Variants in TIAM1 observed in about 807,000 individuals in gnomAD.
TIAM1 encodes the protein TIAM Rac1 associated GEF 1.
Under a neutral mutation model 163.5 loss-of-function variants are expected in TIAM1, and 65 were observed. The observed-to-expected ratio is 0.40, with a 90% CI of 0.33 to 0.49. The LOEUF is 0.49. Ranked by LOEUF, TIAM1 falls within the 20% of genes least tolerant of loss-of-function variation. TIAM1 has a pLI of 0.77. For missense variants in TIAM1, 1,789 were observed against 2,044.7 expected (o/e 0.87, Z 2.41); for synonymous variants, 833 against 810.1 (o/e 1.03, Z -0.48).
chr21:31,154,186 C>A, intron 17 of TIAM1, 61 bp downstream of exon 17: 1 of 1,551,240 alleles, frequency 6.4e-7, no homozygotes, highest in South Asian at 1.2e-5. Flanking sequence ...AACCAGCAGA[C>A]ACACCAACTT....
chr21:31,234,673 C>T (rs571510643), intron 6 of TIAM1, among the ~76,000 whole-genome samples: 11 of 151,862 alleles, frequency 7.2e-5, no homozygotes, highest in African/African-American at 2.2e-4. Context: ...CCCAGATATT[C>T]GAGAGGCTGA....
At chr21:31,380,575 G>A (rs191626547) in intron 2 of TIAM1, among the ~76,000 whole-genome samples, 140 of 151,888 alleles carry the variant, frequency 9.2e-4, no homozygotes, top group Middle Eastern at 6.8e-3. Flanking sequence ...ATAAAGTAAA[G>A]TAAATATAAA....
intron 4 of TIAM1, among the ~76,000 whole-genome samples, chr21:31,254,162 G>C (rs1302201163): frequency 1.3e-5 from 2 of 152,226 alleles, no homozygotes; most frequent in Non-Finnish European, 2.9e-5. Flanking sequence ...TTCCATAAGA[G>C]AGACTTTGGT....
chr21:31,436,266 C>T (rs954219014), intron 2 of TIAM1, among the ~76,000 whole-genome samples: 4 of 152,164 alleles, frequency 2.6e-5, no homozygotes, highest in African/African-American at 9.7e-5. Flanking sequence ...CACCAGTGTC[C>T]ACCACTGCCT....
chr21:31,510,374 C>T (rs974513582), intron 1 of TIAM1, among the ~76,000 whole-genome samples: 1 of 152,142 alleles, frequency 6.6e-6, no homozygotes, highest in African/African-American at 2.4e-5. Flanking sequence ...GGATTAGAGC[C>T]CACCCTAAGG....
chr21:31,171,035 C>CAAAAAAAAAAA lies in TIAM1; in HGVS notation c.2888-5981_2888-5971dup, dbSNP rs34291568. Among the ~76,000 whole-genome samples the CAAAAAAAAAAA allele has an allele frequency of 7.4e-3, 145 of 19,564 alleles. 10 individuals carry two copies. Among genetic ancestry groups the CAAAAAAAAAAA allele is most frequent in the African/African-American group, 0.014 (142 of 10,036 alleles). 12.8% of individuals were successfully genotyped at this position (19,564 alleles called of 152,430 possible). A position where few individuals can be genotyped will look rare whatever the true frequency, so the allele number is the denominator to read the frequency against. ...TGGGTGACAGAGTGAGACTCCATCT[C>CAAAAAAAAAAA]AAAAAAAAAAAAAAAAAAAAAAAAA... On this transcript the variant is annotated intron_variant, in intron 15 of 27. Transcript: ENST00000541036.
chr21:31,479,369 TTGGA>T (rs58755974), intron 1 of TIAM1, among the ~76,000 whole-genome samples: 86,824 of 149,548 alleles, frequency 0.58, 25,915 homozygotes, highest in African/African-American at 0.68. Flanking sequence ...GGATGGATGA[TTGGA>T]TGGATGGATG....
intron 25 of TIAM1, among the ~76,000 whole-genome samples, chr21:31,129,773 C>G (rs544760261): frequency 9.9e-5 from 15 of 152,236 alleles, no homozygotes; most frequent in African/African-American, 3.4e-4. Flanking sequence ...CATGTGTAGT[C>G]AATGCTTTTT....
intron 1 of TIAM1, among the ~76,000 whole-genome samples, chr21:31,524,280 G>A (rs1158593300): frequency 6.6e-6 from 1 of 152,148 alleles, no homozygotes; most frequent in Non-Finnish European, 1.5e-5. Flanking sequence ...TGAAGTGGGG[G>A]TAGGAGTCTC....
chr21:31,145,659 T>C (rs1228426476), intron 20 of TIAM1, among the ~76,000 whole-genome samples: 1 of 152,184 alleles, frequency 6.6e-6, no homozygotes. Context: ...TGCACAAAAA[T>C]AACTACAAAT....
chr21:31,356,967 T>G (rs939912574), intron 2 of TIAM1, among the ~76,000 whole-genome samples: 2 of 152,162 alleles, frequency 1.3e-5, no homozygotes, highest in African/African-American at 4.8e-5. Flanking sequence ...AATAAATGAA[T>G]GAATAAACAT....
At chr21:31,486,318 A>G (rs745877081) in intron 1 of TIAM1, among the ~76,000 whole-genome samples, 1 of 152,130 alleles carries the variant, frequency 6.6e-6, no homozygotes, top group Non-Finnish European at 1.5e-5. Flanking sequence ...GGAACTCCCC[A>G]CCATCCCTCT....
At chr21:31,539,414 C>T (rs2048248674) in intron 1 of TIAM1, among the ~76,000 whole-genome samples, 1 of 151,132 alleles carries the variant, frequency 6.6e-6, no homozygotes, top group African/African-American at 2.5e-5. Flanking sequence ...TACAGGCGCC[C>T]ACCACCACAC....
intron 4 of TIAM1, among the ~76,000 whole-genome samples, chr21:31,265,200 T>G: frequency 7.2e-6 from 1 of 139,628 alleles, no homozygotes; most frequent in Non-Finnish European, 1.5e-5. Context: ...ACTTTCAAAA[T>G]CTTTTTTTTT....
At chr21:31,385,876 T>TATTATTTAATATA (rs2076860564) in intron 2 of TIAM1, among the ~76,000 whole-genome samples, 1 of 92,384 alleles carries the variant, frequency 1.1e-5, no homozygotes. Context: ...ATATTAATTA[T>TATTATTTAATATA]ATTAGTTAAT....
At chr21:31,182,672 A>T (rs776035785) in intron 14 of TIAM1, 27 bp from the exon 15 acceptor site, 1 of 1,596,636 alleles carries the variant, frequency 6.3e-7, no homozygotes. Flanking sequence ...GAAAATTTTT[A>T]ATTTCACACA....
chr21:31,351,509 G>C (rs2076233779), intron 2 of TIAM1, among the ~76,000 whole-genome samples: 1 of 152,048 alleles, frequency 6.6e-6, no homozygotes, highest in African/African-American at 2.4e-5. Flanking sequence ...ATAAAAAGTG[G>C]GTACATGAGA....
chr21:31,210,534 AAAAGAAAGAAAGAAAGAAAGAAAGAAAG>A (rs1214068044), intron 10 of TIAM1, among the ~76,000 whole-genome samples: 25 of 55,606 alleles, frequency 4.5e-4, no homozygotes, highest in Non-Finnish European at 6.8e-4. Flanking sequence ...GGAAGGAAGG[AAAAGAAAGAAAGAAAGAAAGAAAGAAAG>A]AAAGAAAGAA....
rs545170341 is a variant in TIAM1, at chr21:31,204,942, A to C, written c.2389-1930T>G. Reference sequence around the variant, plus strand: ...GCCAGACACAGATGCCATTCACCGAACATGTCCCAGTGCACCTGGCTTTTG... The same window carrying C: ...GCCAGACACAGATGCCATTCACCGACCATGTCCCAGTGCACCTGGCTTTTG... On this transcript the variant is annotated intron_variant, in intron 11 of 27. Coordinates refer to ENST00000541036, the MANE Select transcript of TIAM1 (RefSeq NM_001353694.2). Among the ~76,000 whole-genome samples, 46 of 152,320 alleles carry C rather than the reference A, an allele frequency of 3.0e-4. 1 individual carries two copies. Among genetic ancestry groups the C allele is most frequent in the Middle Eastern group, 3.4e-3 (1 of 294 alleles).
Sources: gnomAD v4.1 joint callset for allele counts (sites outside exome capture counted in the v4.1 genomes callset) on GRCh38, gnomAD v4.1.1 for gene constraint, MANE v1.5 for transcripts, NCBI Gene and HGNC (gene_info 2026-07-23, HGNC 2026-07-21) for gene names.